The following EYS variants were observed in gnomAD, a reference collection of about 807,000 sequenced individuals.
EYS encodes EGF-like photoreceptor maintenance factor, also known as protein eyes shut homolog.
A neutral mutation model predicts 282.1 loss-of-function variants in EYS; 250 were observed. The observed-to-expected ratio is 0.89, with a 90% CI of 0.80 to 0.98. The LOEUF (loss-of-function observed/expected upper bound fraction) is 0.98. Among genes scored for constraint, EYS ranks in the 50% least tolerant of loss-of-function variants. The pLI is 0.00. For missense variants in EYS, 4,016 were observed against 3,709.0 expected, an observed-to-expected ratio of 1.08 and a Z score of -2.15; for synonymous variants, 1,355 against 1,282.9, an observed-to-expected ratio of 1.06 and a Z score of -1.20.
intron 12 of EYS, among the ~76,000 whole-genome samples, chr6:65,141,597 A>T (rs1023906198): frequency 4.5e-4 from 69 of 152,084 alleles, no homozygotes; most frequent in African/African-American, 1.5e-3. Flanking sequence ...AAATCCAAAC[A>T]CACATCTATT....
chr6:65,122,417 A>T (rs1375660959), intron 12 of EYS, among the ~76,000 whole-genome samples: 1 of 152,144 alleles, frequency 6.6e-6, no homozygotes, highest in African/African-American at 2.4e-5. Flanking sequence ...GGATTGGTAG[A>T]CATAATAAGG....
chr6:64,737,997 C>T (rs1393974095), intron 22 of EYS, among the ~76,000 whole-genome samples: 1 of 152,134 alleles, frequency 6.6e-6, no homozygotes, highest in South Asian at 2.1e-4. Context: ...TCCTTATAGT[C>T]TTTCTTTAGC....
At chr6:65,482,571 C>T (rs76370853) in intron 5 of EYS, among the ~76,000 whole-genome samples, 1,641 of 152,236 alleles carry the variant, frequency 0.011, 25 homozygotes, top group African/African-American at 0.037. Flanking sequence ...GAGCAAAATT[C>T]TATTCTTCAC....
At chr6:63,913,827 C>T (rs1322265138) in intron 35 of EYS, among the ~76,000 whole-genome samples, 5 of 152,112 alleles carry the variant, frequency 3.3e-5, no homozygotes, top group Non-Finnish European at 7.4e-5. Flanking sequence ...CTTGTTTTAT[C>T]GTGCATTGCA....
chr6:65,129,971 T>C (rs1033424187), intron 12 of EYS, among the ~76,000 whole-genome samples: 1 of 151,844 alleles, frequency 6.6e-6, no homozygotes, highest in Non-Finnish European at 1.5e-5. Context: ...GAATCTTATA[T>C]AGCCATAAAA....
chr6:64,344,846 C>A (rs1338071499), intron 29 of EYS, among the ~76,000 whole-genome samples: 1 of 152,108 alleles, frequency 6.6e-6, no homozygotes, highest in East Asian at 1.9e-4. Flanking sequence ...GCAACTTCAG[C>A]AAAATCTCAG....
At position 64,590,247 on chromosome 6, in the gene EYS, C is replaced by T. The variant is rs534979868; in HGVS notation, c.5620G>A (p.Ala1874Thr). 2 of 1,547,968 alleles carry T rather than the reference C, an allele frequency of 1.3e-6. No homozygotes were observed. The highest frequency in any genetic ancestry group is 3.4e-4 in the Middle Eastern group (2 of 5,952). Residue 1874 changes from alanine to threonine, a missense_variant, in exon 26 of 43, where the codon GCA becomes ACA. Ala to Thr is a moderately conservative substitution (Grantham distance 58). Coordinates refer to ENST00000503581, the MANE Select transcript of EYS (RefSeq NM_001142800.2). ...LTLSSLESILAPQRLMISDFS... is the reference protein window; with the variant it reads ...LTLSSLESILTPQRLMISDFS... ...CCAGAAATCATCAGCCGTTGAGGTG[C>T]CAGAATGGATTCCAGTGAAGACAAA...
intron 22 of EYS, among the ~76,000 whole-genome samples, chr6:64,659,572 G>C (rs1768912413): frequency 6.6e-6 from 1 of 152,030 alleles, no homozygotes; most frequent in Non-Finnish European, 1.5e-5. Flanking sequence ...CGATCCCACA[G>C]AAATACAAAC....
chr6:63,853,881 G>A (rs1401028434), intron 36 of EYS, among the ~76,000 whole-genome samples: 1 of 152,152 alleles, frequency 6.6e-6, no homozygotes, highest in Non-Finnish European at 1.5e-5. Flanking sequence ...CAAGCAATGG[G>A]GAAAGGATTC....
chr6:65,394,468 A>G (rs769113255), intron 7 of EYS, among the ~76,000 whole-genome samples: 4 of 152,030 alleles, frequency 2.6e-5, no homozygotes, highest in Non-Finnish European at 4.4e-5. Context: ...TGTGTCCTGT[A>G]GCGCCGTGGA....
intron 35 of EYS, among the ~76,000 whole-genome samples, chr6:63,887,314 GTTTTTTTT>G (rs35622877): frequency 1.8e-3 from 219 of 120,244 alleles, no homozygotes; most frequent in African/African-American, 6.5e-3. Flanking sequence ...AATAAAAGGT[GTTTTTTTT>G]TTTTTTTTTT....
At chr6:64,029,082 C>A (rs1769684751) in intron 33 of EYS, among the ~76,000 whole-genome samples, 1 of 152,140 alleles carries the variant, frequency 6.6e-6, no homozygotes. Context: ...CAAGGAAACA[C>A]AGAGGGCAAA....
At chr6:65,397,527 C>G (rs1238737797) in intron 7 of EYS, among the ~76,000 whole-genome samples, 1 of 151,478 alleles carries the variant, frequency 6.6e-6, no homozygotes, top group Non-Finnish European at 1.5e-5. Context: ...CCAGTTCCAT[C>G]CGTGCTACTG....
chr6:64,641,094 G>A (rs1355406211), intron 22 of EYS, among the ~76,000 whole-genome samples: 1 of 152,164 alleles, frequency 6.6e-6, no homozygotes, highest in Non-Finnish European at 1.5e-5. Flanking sequence ...TTTTCATTCT[G>A]TTGATAATGA....
chr6:65,414,618 A>G (rs1767160215), intron 5 of EYS, among the ~76,000 whole-genome samples: 1 of 152,132 alleles, frequency 6.6e-6, no homozygotes, highest in African/African-American at 2.4e-5. Flanking sequence ...GAAAGGATTA[A>G]TCTTTTCTAA....
At chr6:63,868,072 A>G (rs1318228894) in intron 35 of EYS, among the ~76,000 whole-genome samples, 2 of 152,184 alleles carry the variant, frequency 1.3e-5, no homozygotes, top group African/African-American at 4.8e-5. Context: ...AAGTACAAAG[A>G]TGAGAAGGTT....
intron 35 of EYS, among the ~76,000 whole-genome samples, chr6:63,954,120 T>C (rs557252953): frequency 3.9e-5 from 6 of 152,190 alleles, no homozygotes; most frequent in Non-Finnish European, 8.8e-5. Context: ...CTTTCCACAT[T>C]ATTCTGGATA....
intron 37 of EYS, among the ~76,000 whole-genome samples, chr6:63,789,697 T>G (rs1770459056): frequency 2.0e-5 from 3 of 152,232 alleles, no homozygotes. Flanking sequence ...TTATCATTAT[T>G]CTATTACAAA....
chr6:64,294,345 A>C (rs1768825849), intron 30 of EYS, among the ~76,000 whole-genome samples: 2 of 152,224 alleles, frequency 1.3e-5, no homozygotes, highest in Non-Finnish European at 2.9e-5. Context: ...AAAAATTTAA[A>C]TATTTTGATA....
Sources: gnomAD v4.1 joint callset for allele counts (sites outside exome capture counted in the v4.1 genomes callset) on GRCh38, gnomAD v4.1.1 for gene constraint, MANE v1.5 for transcripts, NCBI Gene and HGNC (gene_info 2026-07-23, HGNC 2026-07-21) for gene names.